Variants in TULP4 observed in about 807,000 individuals in gnomAD.
TULP4 encodes TUB like protein 4, also known as tubby-related protein 4.
TULP4 carries 16 observed loss-of-function variants against 129.0 expected under a neutral mutation model. The ratio of observed to expected loss-of-function variants is 0.12; its 90% CI spans 0.08 to 0.19. The LOEUF is 0.19. Ranked by LOEUF, TULP4 falls within the 10% of genes least tolerant of loss-of-function variation. The probability of loss-of-function intolerance (pLI) is 1.00; values close to 1 mark genes in which losing one functional copy is unlikely to be tolerated. For missense variants in TULP4, 1,842 were observed against 2,059.1 expected (o/e 0.89, Z 2.04); for synonymous variants, 998 against 854.0 (o/e 1.17, Z -2.94).
chr6:158,358,574 C>G (rs1780699071), intron 1 of TULP4, among the ~76,000 whole-genome samples: 1 of 152,236 alleles, frequency 6.6e-6, no homozygotes, highest in Admixed American at 6.5e-5. Context: ...TTAGTTCTTG[C>G]AGTAAAACAA....
chr6:158,399,495 G>A (rs1052336512), intron 1 of TULP4, among the ~76,000 whole-genome samples: 3 of 152,144 alleles, frequency 2.0e-5, no homozygotes, highest in East Asian at 1.9e-4. Context: ...TAACAAGCTC[G>A]CAGGTGCTGC....
At chr6:158,344,805 TAGAA>T in intron 1 of TULP4, among the ~76,000 whole-genome samples, 1 of 152,122 alleles carries the variant, frequency 6.6e-6, no homozygotes, top group African/African-American at 2.4e-5. Context: ...AATCAAAAGC[TAGAA>T]ATGAGTAACT....
chr6:158,293,034 T>G (rs1778972166), intron 1 of TULP4, among the ~76,000 whole-genome samples: 1 of 152,222 alleles, frequency 6.6e-6, no homozygotes. Flanking sequence ...GAGTATCAGG[T>G]GTAGATTCAC....
intron 2 of TULP4, among the ~76,000 whole-genome samples, chr6:158,418,099 GTTTT>G (rs35832683): frequency 1.8e-4 from 24 of 134,252 alleles, no homozygotes; most frequent in Non-Finnish European, 2.7e-4. Flanking sequence ...GTGTGTGTGT[GTTTT>G]TTTTTTTTTT....
intron 8 of TULP4, among the ~76,000 whole-genome samples, chr6:158,486,341 A>C (rs186057042): frequency 2.8e-4 from 42 of 152,256 alleles, no homozygotes; most frequent in Admixed American, 9.8e-4. Flanking sequence ...ATCACAAGGT[A>C]AGGAGATCAA....
chr6:158,421,507 G>A (rs1778340356), intron 2 of TULP4, among the ~76,000 whole-genome samples: 1 of 152,194 alleles, frequency 6.6e-6, no homozygotes, highest in Non-Finnish European at 1.5e-5. Flanking sequence ...TTGATAGAAA[G>A]ATAATGTTCA....
At chr6:158,414,661 G>A (rs1363285525) in intron 2 of TULP4, among the ~76,000 whole-genome samples, 4 of 152,184 alleles carry the variant, frequency 2.6e-5, no homozygotes, top group Non-Finnish European at 5.9e-5. Flanking sequence ...GTTCTAAAAT[G>A]CTGTCATTCT....
rs537578155 is a variant in TULP4, at chr6:158,410,989, C to A, written c.253-2076C>A. On this transcript the variant is annotated intron_variant, in intron 1 of 13. Transcript: ENST00000367097. ...CAATGTCTGGTTTATCATAGGCAGG[C>A]AGGCAGTATATGCTGTTGTTCAAAT... Among the ~76,000 whole-genome samples, 5 of 152,154 alleles carry A rather than the reference C, an allele frequency of 3.3e-5. No individual in the cohort carries two copies. In the East Asian group the frequency reaches 9.7e-4, roughly 29 times the overall value.
Position 158,481,214 on chromosome 6 carries a change from A to C in TULP4, c.1411A>C (p.Ile471Leu). 1 of 1,614,230 alleles carries C rather than the reference A, an allele frequency of 6.2e-7. No homozygotes were observed. The highest frequency in any genetic ancestry group is 8.5e-7 in the Non-Finnish European group (1 of 1,180,034). Residue 471 changes from isoleucine (I) to leucine (L), a missense_variant, in exon 8 of 14, where the codon ATC becomes CTC. Ile to Leu is a conservative substitution (Grantham distance 5). This residue lies in a region of TULP4 where 456 missense variants were observed against 534.3 expected (regional missense o/e 0.85). Coordinates refer to ENST00000367097, the MANE Select transcript of TULP4 (RefSeq NM_020245.5). ...GGAGTACCTGGGCGGGCTTGTGCCCATCCTCAAAGGGCGGCGCATCAGCAA... is the reference window on the plus strand; with the variant it reads ...GGAGTACCTGGGCGGGCTTGTGCCCCTCCTCAAAGGGCGGCGCATCAGCAA... Reference protein sequence around the residue: ...YLEYLGGLVPILKGRRISKLR... With the variant: ...YLEYLGGLVPLLKGRRISKLR...
At chr6:158,263,536 A>T (rs1179691797) in intron 1 of TULP4, among the ~76,000 whole-genome samples, 1 of 152,226 alleles carries the variant, frequency 6.6e-6, no homozygotes, top group African/African-American at 2.4e-5. Context: ...TTTTGGCTAA[A>T]TTAATAGGTA....
intron 5 of TULP4, among the ~76,000 whole-genome samples, chr6:158,456,988 A>G (rs1413180243): frequency 6.6e-6 from 1 of 152,140 alleles, no homozygotes; most frequent in Non-Finnish European, 1.5e-5. Context: ...ATGAATAGCA[A>G]TCATTTTTGT....
intron 1 of TULP4, among the ~76,000 whole-genome samples, chr6:158,260,059 C>A (rs1332670540): frequency 6.6e-6 from 1 of 152,186 alleles, no homozygotes; most frequent in Non-Finnish European, 1.5e-5. Flanking sequence ...CCCTCTTCTT[C>A]CCAGAGGTCA....
intron 6 of TULP4, among the ~76,000 whole-genome samples, chr6:158,479,345 A>G (rs538837973): frequency 5.3e-4 from 80 of 152,354 alleles, no homozygotes; most frequent in Admixed American, 2.0e-3. Context: ...CCCAAATTAA[A>G]TGAAATATAA....
intron 8 of TULP4, 90 bp from the exon 9 acceptor site, chr6:158,489,498 T>TC: frequency 6.7e-7 from 1 of 1,498,796 alleles, no homozygotes; most frequent in South Asian, 1.2e-5. Context: ...GCCTGTGGAG[T>TC]CCGTCTGTCT....
At chr6:158,268,554 G>C (rs1778492460) in intron 1 of TULP4, among the ~76,000 whole-genome samples, 1 of 152,188 alleles carries the variant, frequency 6.6e-6, no homozygotes, top group Admixed American at 6.5e-5. Flanking sequence ...CAGTGGACTT[G>C]TTGTCTGGTG....
intron 9 of TULP4, among the ~76,000 whole-genome samples, chr6:158,490,263 G>A (rs541361636): frequency 6.6e-6 from 1 of 152,296 alleles, no homozygotes; most frequent in East Asian, 1.9e-4. Flanking sequence ...AGGCGTGGTG[G>A]CGGGTGCCTG....
intron 1 of TULP4, among the ~76,000 whole-genome samples, chr6:158,302,730 C>T (rs4708782): frequency 0.69 from 105,311 of 151,888 alleles, 36,793 homozygotes; most frequent in East Asian, 0.89. Flanking sequence ...TGTCTTGGAC[C>T]GAGACCGAGT....
chr6:158,346,030 C>G (rs1266906190), intron 1 of TULP4, among the ~76,000 whole-genome samples: 2 of 152,336 alleles, frequency 1.3e-5, no homozygotes, highest in Admixed American at 6.5e-5. Flanking sequence ...TTTATAGGCT[C>G]TCTTCAAGAA....
At chr6:158,289,062 G>A (rs1778882879) in intron 1 of TULP4, among the ~76,000 whole-genome samples, 1 of 152,132 alleles carries the variant, frequency 6.6e-6, no homozygotes, top group African/African-American at 2.4e-5. Context: ...TGATTTCTTT[G>A]TGGGATGATT....
Sources: gnomAD v4.1 joint callset for allele counts (sites outside exome capture counted in the v4.1 genomes callset) on GRCh38, gnomAD v4.1.1 for gene constraint, gnomAD v4.1.1 regional missense constraint, MANE v1.5 for transcripts, NCBI Gene and HGNC (gene_info 2026-07-23, HGNC 2026-07-21) for gene names.